Variants in DNAH2 observed in about 807,000 individuals in gnomAD.
DNAH2 encodes the protein dynein axonemal heavy chain 2.
DNAH2 carries 323 observed loss-of-function variants against 523.5 expected under a neutral mutation model. The observed-to-expected ratio is 0.62, with a 90% CI of 0.56 to 0.68. The LOEUF (loss-of-function observed/expected upper bound fraction) is 0.68, where lower values mean the gene tolerates loss of function less well. DNAH2 is among the 30% of genes least tolerant of loss of function. The pLI is 0.00. For synonymous variants in DNAH2, 2,093 were observed against 2,177.4 expected, an observed-to-expected ratio of 0.96 and a Z score of 1.08; for missense variants, 4,907 against 5,701.5, an observed-to-expected ratio of 0.86 and a Z score of 4.49.
intron 24 of DNAH2, 69 bp from the exon 25 acceptor site, chr17:7,770,183 C>A: frequency 6.6e-7 from 1 of 1,508,354 alleles, no homozygotes; most frequent in Non-Finnish European, 8.9e-7. Context: ...ATCATAGTGT[C>A]CCAGTGGGAG....
intron 70 of DNAH2, 32 bp downstream of exon 70, chr17:7,818,808 AC>A: frequency 1.2e-6 from 2 of 1,613,370 alleles, no homozygotes; most frequent in Non-Finnish European, 1.7e-6. Context: ...CCACTGCCCC[AC>A]GGGTCTACTC....
chr17:7,721,110 G>C (rs1383967257), intron 2 of DNAH2, among the ~76,000 whole-genome samples: 1 of 147,744 alleles, frequency 6.8e-6, no homozygotes, highest in African/African-American at 2.5e-5. Flanking sequence ...CCGGGCTCAA[G>C]TGATTCTTGT....
intron 1 of DNAH2, among the ~76,000 whole-genome samples, chr17:7,719,127 CTTTT>C (rs34833123): frequency 1.8e-4 from 24 of 136,434 alleles, no homozygotes; most frequent in East Asian, 2.1e-4. Flanking sequence ...GTCTGGCCAT[CTTTT>C]TTTTTTTTTT....
chr17:7,822,428 C>G (rs74912019), intron 73 of DNAH2, among the ~76,000 whole-genome samples: 3,121 of 152,284 alleles, frequency 0.02, 110 homozygotes, highest in African/African-American at 0.071. Context: ...CGTGGCCATG[C>G]CTTCTGCTGG....
intron 22 of DNAH2, 21 bp downstream of exon 22, chr17:7,766,502 C>A (rs2076171144): frequency 6.2e-7 from 1 of 1,610,906 alleles, no homozygotes. Context: ...GAGCAAGGAC[C>A]CTGTGGTCAC....
chr17:7,815,323 G>A (rs1279196976), intron 63 of DNAH2, among the ~76,000 whole-genome samples: 1 of 152,258 alleles, frequency 6.6e-6, no homozygotes, highest in Non-Finnish European at 1.5e-5. Context: ...TCTAGTAGTG[G>A]AACTATTTCC....
rs555895429 is a variant in DNAH2 at position 7,831,787 on chromosome 17, C to T, written c.12726+12C>T. On this transcript the variant is annotated intron_variant, in intron 82 of 85. Coordinates refer to ENST00000572933, the MANE Select transcript of DNAH2 (RefSeq NM_020877.5). The surrounding 1 kb of genome is among the most constrained non-coding windows in gnomAD (Gnocchi z 4.2). ...CGCTCTGGGGAAAGGCAAGATTATACCATTGTTGATCCTTCTCCAACAATG... is the reference window on the plus strand; with the variant it reads ...CGCTCTGGGGAAAGGCAAGATTATATCATTGTTGATCCTTCTCCAACAATG... 1 of 1,606,762 alleles carries T rather than the reference C, an allele frequency of 6.2e-7. No individual in the cohort carries two copies. Among genetic ancestry groups the T allele is most frequent in the South Asian group, 1.1e-5 (1 of 90,704 alleles).
chr17:7,826,204 G>C (rs2078013557), intron 77 of DNAH2, among the ~76,000 whole-genome samples: 1 of 152,310 alleles, frequency 6.6e-6, no homozygotes, highest in Middle Eastern at 3.4e-3. Flanking sequence ...ATTTTTAGTA[G>C]AGACAGGGTT....
chr17:7,747,271 A>C (rs945210170), intron 12 of DNAH2, among the ~76,000 whole-genome samples: 9 of 151,402 alleles, frequency 5.9e-5, no homozygotes, highest in Non-Finnish European at 1.2e-4. Flanking sequence ...ACCCCGTCAC[A>C]CCTTGCTTTT....
intron 33 of DNAH2, 119 bp downstream of exon 33, chr17:7,777,753 C>T: frequency 7.8e-7 from 1 of 1,279,222 alleles, no homozygotes; most frequent in East Asian, 2.3e-5. Context: ...TGTCCCACTA[C>T]CCTAATCCGG....
At position 7,823,945 on chromosome 17, in the gene DNAH2, C is replaced by T. The variant is rs765777641; in HGVS notation, c.11441C>T (p.Ser3814Phe). 10 of 1,613,836 alleles carry T rather than the reference C, an allele frequency of 6.2e-6. No individual in the cohort carries two copies. Among genetic ancestry groups the T allele is most frequent in the Middle Eastern group, 1.6e-4 (1 of 6,062 alleles). ...TCCTTCATCATCACCAACCTTGGCT[C>T]CCGCTTCATCGAGCCGCCTGTGCTG... is the stretch of plus-strand genomic sequence containing the variant. ...VTSFIITNLG[S>F]RFIEPPVLNM... The change falls in exon 75 of 86, where the codon TCC (serine) becomes TTC (phenylalanine). Residue 3814 changes from serine to phenylalanine, a missense_variant. Physicochemically the swap from Ser to Phe is radical, Grantham distance 155 (BLOSUM62 -2). Coordinates refer to ENST00000572933, the MANE Select transcript of DNAH2 (RefSeq NM_020877.5).
intron 44 of DNAH2, among the ~76,000 whole-genome samples, chr17:7,791,030 T>TAA (rs555595518): frequency 3.9e-5 from 6 of 152,130 alleles, no homozygotes; most frequent in Admixed American, 3.9e-4. Context: ...AGGTACACCT[T>TAA]TACCTATAAT....
Position 7,808,369 on chromosome 17 carries a change from GAAA to G in DNAH2, c.9729+797_9729+799del, listed in dbSNP as rs1210962027. ...CTGGCGACAGAGTGAGACTGTCTCA[GAAA>G]AAAAAAAAAAAAAGATGCATGCATA... On this transcript the variant is annotated intron_variant, in intron 63 of 85. Coordinates refer to ENST00000572933, the MANE Select transcript of DNAH2 (RefSeq NM_020877.5). Among the ~76,000 whole-genome samples, 508 of 103,262 alleles carry G rather than the reference GAAA, an allele frequency of 4.9e-3. 1 individual carries two copies. Among genetic ancestry groups the G allele is most frequent in the Middle Eastern group, 0.02 (4 of 204 alleles). The allele number at this position is 103,262 out of a possible 152,430, so 67.7% of individuals were successfully genotyped here.
rs1267857527 is a variant in DNAH2 at position 7,795,803 on chromosome 17, C to G, written c.7675-661C>G. ...CCTGAGATTGGGAGTTTGAGATCAGCCTGACCACCATGGAGAAACCCTGTC... is the reference window on the plus strand; with the variant it reads ...CCTGAGATTGGGAGTTTGAGATCAGGCTGACCACCATGGAGAAACCCTGTC... On this transcript the variant is annotated intron_variant, in intron 49 of 85. Coordinates refer to ENST00000572933, the MANE Select transcript of DNAH2 (RefSeq NM_020877.5). 2.0e-5 allele frequency among the ~76,000 whole-genome samples: 3 copies of G among 147,726 alleles called. No individual in the cohort carries two copies. In the East Asian group the frequency reaches 5.9e-4, roughly 29 times the overall value.
chr17:7,807,015 G>T lies in DNAH2; in HGVS notation c.9443-135G>T, dbSNP rs2077384285. 3 of 1,026,612 alleles carry T rather than the reference G, an allele frequency of 2.9e-6. No homozygotes were observed. The Admixed American group carries it at 6.6e-5, about 23-fold the overall frequency. 63.6% of individuals were successfully genotyped at this position (1,026,612 alleles called of 1,614,324 possible). On this transcript the variant is annotated intron_variant, in intron 61 of 85. Coordinates refer to ENST00000572933, the MANE Select transcript of DNAH2 (RefSeq NM_020877.5). This position sits in a 1 kb window ranked among gnomAD's most constrained non-coding sequence, Gnocchi z 5.6. ...GTCAAGTCAGAGGGAGGAACTAGGG[G>T]CCAGGTCAGATAATTTGGCCTTAGG... is the stretch of plus-strand genomic sequence containing the variant.
intron 77 of DNAH2, among the ~76,000 whole-genome samples, chr17:7,825,017 A>G (rs1329012040): frequency 6.6e-6 from 1 of 152,170 alleles, no homozygotes; most frequent in Non-Finnish European, 1.5e-5. Flanking sequence ...TGTTACCCCC[A>G]TTTTAAAGAT....
chr17:7,821,778 G>T lies in DNAH2; in HGVS notation c.11142+409G>T, dbSNP rs1454615253. 1.3e-5 allele frequency among the ~76,000 whole-genome samples: 2 copies of T among 152,010 alleles called. No individual in the cohort carries two copies. Among genetic ancestry groups the T allele is most frequent in the Non-Finnish European group, 2.9e-5 (2 of 68,012 alleles). On this transcript the variant is annotated intron_variant, in intron 73 of 85. Coordinates refer to ENST00000572933, the MANE Select transcript of DNAH2 (RefSeq NM_020877.5). This position sits in a 1 kb window ranked among gnomAD's most constrained non-coding sequence, Gnocchi z 5.0. ...CTAGATCCAGCTCCTCTTCCCCTCT[G>T]TCCCTGCGCGGCCAGTGCACTGAGC... is the stretch of plus-strand genomic sequence containing the variant.
intron 7 of DNAH2, among the ~76,000 whole-genome samples, chr17:7,736,458 G>A (rs758515581): frequency 4.6e-5 from 7 of 152,180 alleles, no homozygotes; most frequent in African/African-American, 7.2e-5. Context: ...CACTTAGTGC[G>A]GAGTCCTGAA....
chr17:7,769,077 G>A (rs7219467), intron 24 of DNAH2, among the ~76,000 whole-genome samples: 128,336 of 152,184 alleles, frequency 0.84, 55,867 homozygotes, highest in Non-Finnish European at 0.95. Context: ...AGCCTTGCTG[G>A]CTTCTTGTTC....
Sources: gnomAD v4.1 joint callset for allele counts (sites outside exome capture counted in the v4.1 genomes callset) on GRCh38, gnomAD v4.1.1 for gene constraint, Gnocchi (gnomAD v3.1) non-coding constraint, MANE v1.5 for transcripts, NCBI Gene and HGNC (gene_info 2026-07-23, HGNC 2026-07-21) for gene names.